Variants in ADAMTS14 observed in about 807,000 individuals in gnomAD.
ADAMTS14 encodes the protein ADAM metallopeptidase with thrombospondin type 1 motif 14, also known as A disintegrin and metalloproteinase with thrombospondin motifs 14.
ADAMTS14 carries 100 observed loss-of-function variants against 128.6 expected under a neutral mutation model. The observed-to-expected ratio is 0.78, with a 90% CI of 0.66 to 0.92. ADAMTS14 has a LOEUF of 0.92. ADAMTS14 is among the 40% of genes least tolerant of loss of function. ADAMTS14 has a pLI of 0.00. For missense variants in ADAMTS14, 1,562 were observed against 1,658.6 expected, an observed-to-expected ratio of 0.94 and a Z score of 1.01; for synonymous variants, 665 against 653.8, an observed-to-expected ratio of 1.02 and a Z score of -0.26.
At chr10:70,748,750 CT>C (rs889496359) in intron 15 of ADAMTS14, among the ~76,000 whole-genome samples, 1 of 152,198 alleles carries the variant, frequency 6.6e-6, no homozygotes, top group Non-Finnish European at 1.5e-5. Flanking sequence ...ATCCTTAGCT[CT>C]TATATGACAG....
intron 18 of ADAMTS14, 112 bp downstream of exon 18, chr10:70,752,339 A>G (rs1028703519): frequency 7.0e-7 from 1 of 1,432,998 alleles, no homozygotes; most frequent in Non-Finnish European, 9.3e-7. Context: ...AGACACGACC[A>G]TACAGGCAAC....
At chr10:70,701,147 G>A (rs1197874185) in intron 2 of ADAMTS14, among the ~76,000 whole-genome samples, 1 of 152,234 alleles carries the variant, frequency 6.6e-6, no homozygotes, top group Non-Finnish European at 1.5e-5. Flanking sequence ...GCTGCTGCTG[G>A]AGGCTTAGTG....
chr10:70,758,148 A>G (rs1462489010), intron 20 of ADAMTS14, 27 bp from the exon 21 acceptor site: 1 of 1,613,474 alleles, frequency 6.2e-7, no homozygotes, highest in East Asian at 2.2e-5. Flanking sequence ...AGTCCCAAAT[A>G]CTAGAATTGC....
chr10:70,729,770 T>C (rs182671539), intron 5 of ADAMTS14, among the ~76,000 whole-genome samples: 1 of 152,260 alleles, frequency 6.6e-6, no homozygotes, highest in Admixed American at 6.5e-5. Context: ...TAAGGGCTAT[T>C]GTGAAGATTA....
At chr10:70,741,227 A>C in intron 12 of ADAMTS14, 65 bp downstream of exon 12, 2 of 1,554,988 alleles carry the variant, frequency 1.3e-6, no homozygotes, top group South Asian at 1.2e-5. Flanking sequence ...GTGTGTGCCC[A>C]GGCAGGGCCT....
At chr10:70,739,994 G>A (rs1443191050) in intron 11 of ADAMTS14, among the ~76,000 whole-genome samples, 1 of 152,206 alleles carries the variant, frequency 6.6e-6, no homozygotes, top group Admixed American at 6.5e-5. Flanking sequence ...CCTGTTCTGA[G>A]TAAATCACCT....
At position 70,752,145 on chromosome 10, in the gene ADAMTS14, G is replaced by A. The variant is rs201149079; in HGVS notation, c.2647G>A (p.Val883Met). ...CCGGCGCAGACGAGACCACCACATG[G>A]TGCAGCGACACCTGTGTGACCACAA... is the stretch of plus-strand genomic sequence containing the variant. The part of the protein sequence containing the change: ...GCRRRRDHHM[V>M]QRHLCDHKKR... The change falls in exon 18 of 22, where the codon GTG (valine) becomes ATG (methionine). Residue 883 changes from valine (V) to methionine (M), a missense_variant. Physicochemically the swap from Val to Met is conservative, Grantham distance 21. Transcript: ENST00000373207. 169 of 1,613,430 alleles carry A rather than the reference G, an allele frequency of 1.0e-4. No homozygotes were observed. The highest frequency in any genetic ancestry group is 3.3e-4 in the Admixed American group (20 of 60,026).
At chr10:70,721,793 GCA>G (rs1432302084) in intron 4 of ADAMTS14, among the ~76,000 whole-genome samples, 7 of 152,230 alleles carry the variant, frequency 4.6e-5, no homozygotes, top group African/African-American at 1.7e-4. Context: ...TCACATTTCA[GCA>G]CAGTCAGCAT....
chr10:70,705,314 G>T (rs563059153), intron 3 of ADAMTS14, among the ~76,000 whole-genome samples: 225 of 152,202 alleles, frequency 1.5e-3, no homozygotes, highest in Non-Finnish European at 2.7e-3. Context: ...CTACTCTCTG[G>T]AGCCCCGTTC....
At chr10:70,751,930 G>T (rs1469003846) in intron 17 of ADAMTS14, among the ~76,000 whole-genome samples, 165 bp from the exon 18 acceptor site, 3 of 152,242 alleles carry the variant, frequency 2.0e-5, no homozygotes, top group Non-Finnish European at 4.4e-5. Context: ...AGATGGAGCT[G>T]ATCAGGAAGG....
chr10:70,693,810 G>A (rs904445082), intron 2 of ADAMTS14, among the ~76,000 whole-genome samples: 2 of 152,216 alleles, frequency 1.3e-5, no homozygotes, highest in African/African-American at 4.8e-5. Context: ...AACTGTGGCC[G>A]AGTGGTCATC....
At chr10:70,740,891 G>T in intron 11 of ADAMTS14, 96 bp from the exon 12 acceptor site, 1 of 1,318,866 alleles carries the variant, frequency 7.6e-7, no homozygotes, top group Non-Finnish European at 1.1e-6. Flanking sequence ...ATGCTATTAT[G>T]AATGGCTGAG....
intron 18 of ADAMTS14, among the ~76,000 whole-genome samples, chr10:70,753,459 C>A (rs1002403731): frequency 2.6e-5 from 4 of 152,160 alleles, no homozygotes; most frequent in Non-Finnish European, 5.9e-5. Context: ...CGCCAGTGGG[C>A]CCTCAAATAT....
intron 4 of ADAMTS14, among the ~76,000 whole-genome samples, chr10:70,728,946 G>A (rs568869488): frequency 6.6e-6 from 1 of 152,322 alleles, no homozygotes; most frequent in South Asian, 2.1e-4. Flanking sequence ...CCCTGAGCCA[G>A]GTGACCTGTC....
Position 70,751,640 on chromosome 10 carries a change from G to A in ADAMTS14, c.2590G>A (p.Gly864Arg), listed in dbSNP as rs1285516852. 3.1e-6 allele frequency: 5 copies of A among 1,605,990 alleles called. No individual in the cohort carries two copies. The highest frequency in any genetic ancestry group is 1.3e-5 in the African/African-American group (1 of 74,816). The change falls in exon 17 of 22, where the codon GGA becomes AGA. Residue 864 changes from glycine (G) to arginine (R), a missense_variant. Gly to Arg is a moderately radical substitution (Grantham distance 125). Transcript: ENST00000373207. ...CTGGGCCCCCTGCAGCAAGGCCTGT[G>A]GAGGAGGTACCGGTTCCCTGACCCG... ...KSWAPCSKAC[G>R]GGIQFTKYGC... is the part of the protein sequence containing the mutation.
chr10:70,760,250 AG>A, intron 21 of ADAMTS14, 109 bp from the exon 22 acceptor site: 5 of 1,407,450 alleles, frequency 3.6e-6, no homozygotes, highest in Non-Finnish European at 4.7e-6. Flanking sequence ...TGGGTCCAGC[AG>A]GGGCAGGGGT....
At chr10:70,751,788 A>G in intron 17 of ADAMTS14, 142 bp downstream of exon 17, 2 of 1,220,414 alleles carry the variant, frequency 1.6e-6, no homozygotes, top group East Asian at 5.1e-5. Context: ...CAGTGTGTGG[A>G]AGCCCGTTTT....
chr10:70,747,887 C>A (rs1453605752), intron 15 of ADAMTS14, among the ~76,000 whole-genome samples: 2 of 151,972 alleles, frequency 1.3e-5, no homozygotes, highest in African/African-American at 2.4e-5. Context: ...TGTGTGCATG[C>A]ACGTGCATGC....
At position 70,752,111 on chromosome 10, in the gene ADAMTS14, A is replaced by G; in HGVS notation, c.2613A>G (p.Lys871=). ...KACGGGIQFT[K]YGCRRRRDHH... is the part of the protein sequence containing the mutation. ...ACCCCATAGGGATCCAGTTCACCAAATACGGCTGCCGGCGCAGACGAGACC... is the reference window on the plus strand; with the variant it reads ...ACCCCATAGGGATCCAGTTCACCAAGTACGGCTGCCGGCGCAGACGAGACC... The change falls in exon 18 of 22, where the codon AAA becomes AAG. Residue 871 remains lysine (K), a synonymous_variant. Coordinates refer to ENST00000373207, the MANE Select transcript of ADAMTS14 (RefSeq NM_080722.4). 1 of 1,613,092 alleles carries G rather than the reference A, an allele frequency of 6.2e-7. No homozygotes were observed. The highest frequency in any genetic ancestry group is 8.5e-7 in the Non-Finnish European group (1 of 1,179,838).
Sources: gnomAD v4.1 joint callset for allele counts (sites outside exome capture counted in the v4.1 genomes callset) on GRCh38, gnomAD v4.1.1 for gene constraint, MANE v1.5 for transcripts, NCBI Gene and HGNC (gene_info 2026-07-23, HGNC 2026-07-21) for gene names.